The following BRINP3 variants were observed in gnomAD, a reference collection of about 807,000 sequenced individuals.
The protein encoded by BRINP3 is BMP/retinoic acid inducible neural specific 3.
BRINP3 carries 19 observed loss-of-function variants against 71.0 expected under a neutral mutation model. That is an observed-to-expected ratio of 0.27 (90% CI 0.19 to 0.39). The LOEUF is 0.39. Ranked by LOEUF, BRINP3 falls within the 10% of genes least tolerant of loss-of-function variation. BRINP3 has a pLI of 1.00. For synonymous variants in BRINP3, 380 were observed against 337.7 expected (o/e 1.13, Z -1.37); for missense variants, 959 against 940.8 (o/e 1.02, Z -0.25).
chr1:190,433,845 TA>T (rs1338238895), intron 2 of BRINP3, among the ~76,000 whole-genome samples: 6 of 152,270 alleles, frequency 3.9e-5, no homozygotes, highest in Non-Finnish European at 5.9e-5. Flanking sequence ...TTGCCACTTA[TA>T]AAGGTGAGAA....
chr1:190,145,436 C>T (rs559289897), intron 7 of BRINP3, among the ~76,000 whole-genome samples: 1 of 152,236 alleles, frequency 6.6e-6, no homozygotes, highest in Non-Finnish European at 1.5e-5. Context: ...ATGCAGTGTT[C>T]TCTTTTGAAC....
At chr1:190,291,415 C>A (rs1363489517) in intron 2 of BRINP3, among the ~76,000 whole-genome samples, 1 of 151,432 alleles carries the variant, frequency 6.6e-6, no homozygotes, top group Non-Finnish European at 1.5e-5. Flanking sequence ...GGTTCATATC[C>A]AAAATATATA....
intron 7 of BRINP3, among the ~76,000 whole-genome samples, chr1:190,155,435 T>C (rs996842937): frequency 2.0e-5 from 3 of 152,120 alleles, no homozygotes; most frequent in African/African-American, 7.2e-5. Context: ...TTGTTAAATA[T>C]TGTTCATCAA....
chr1:190,160,700 A>C lies in BRINP3; in HGVS notation c.1152T>G (p.His384Gln), dbSNP rs1408267411. The change falls in exon 7 of 8, where the codon CAT (histidine) becomes CAG (glutamine). Residue 384 changes from histidine (H) to glutamine (Q), a missense_variant. Coordinates refer to ENST00000367462, the MANE Select transcript of BRINP3 (RefSeq NM_199051.3). ...TTGGCAGGCTGATGAGGGGTTGTTT[A>C]TGACACCTCTTGCTAAGGCTAAAAA... ...HKLFSLSKRCHKQPLISLPRQ... is the reference protein window; with the variant it reads ...HKLFSLSKRCQKQPLISLPRQ... The C allele has an allele frequency of 6.2e-7, 1 of 1,613,374 alleles. No homozygotes were observed. Among genetic ancestry groups the C allele is most frequent in the Non-Finnish European group, 8.5e-7 (1 of 1,179,610 alleles).
chr1:190,310,434 G>A (rs1226342698), intron 2 of BRINP3, among the ~76,000 whole-genome samples: 2 of 151,546 alleles, frequency 1.3e-5, no homozygotes, highest in Non-Finnish European at 3.0e-5. Flanking sequence ...GTATTTCTAA[G>A]GCTAATATGT....
intron 2 of BRINP3, among the ~76,000 whole-genome samples, chr1:190,293,686 A>G (rs1286691722): frequency 6.6e-6 from 1 of 152,118 alleles, no homozygotes; most frequent in Non-Finnish European, 1.5e-5. Context: ...TTTGCTTTAC[A>G]TATTTGGGTG....
chr1:190,281,837 A>C (rs1265272737), intron 2 of BRINP3, 87 bp from the exon 3 acceptor site: 31 of 1,230,952 alleles, frequency 2.5e-5, no homozygotes, highest in Non-Finnish European at 3.3e-5. Context: ...GGGTCAGTAC[A>C]TTACAATGTC....
At chr1:190,437,077 C>T (rs961201304) in intron 2 of BRINP3, among the ~76,000 whole-genome samples, 2 of 151,754 alleles carry the variant, frequency 1.3e-5, no homozygotes, top group African/African-American at 4.8e-5. Context: ...TTTAAACTGG[C>T]TACTTCTTTA....
intron 6 of BRINP3, among the ~76,000 whole-genome samples, chr1:190,208,676 G>A (rs569036632): frequency 6.6e-6 from 1 of 151,936 alleles, no homozygotes; most frequent in African/African-American, 2.4e-5. Context: ...TGTATTTTTA[G>A]TAGAGACGGG....
At chr1:190,465,522 A>G (rs1260244850) in intron 1 of BRINP3, among the ~76,000 whole-genome samples, 2 of 151,846 alleles carry the variant, frequency 1.3e-5, no homozygotes, top group Non-Finnish European at 2.9e-5. Context: ...TGGGTTCCTC[A>G]TTCTTCACTA....
chr1:190,333,870 G>A (rs909268572), intron 2 of BRINP3, among the ~76,000 whole-genome samples: 2 of 151,800 alleles, frequency 1.3e-5, no homozygotes, highest in Non-Finnish European at 2.9e-5. Flanking sequence ...TCTGTCTTTT[G>A]AGTAACACAT....
At chr1:190,439,394 A>C (rs1250360410) in intron 2 of BRINP3, among the ~76,000 whole-genome samples, 2 of 151,878 alleles carry the variant, frequency 1.3e-5, no homozygotes, top group Non-Finnish European at 2.9e-5. Flanking sequence ...TGAAGTGTTA[A>C]ATAACAAAAG....
chr1:190,410,992 C>T (rs1672626126), intron 2 of BRINP3, among the ~76,000 whole-genome samples: 1 of 151,082 alleles, frequency 6.6e-6, no homozygotes. Flanking sequence ...GGCAAAGGGT[C>T]AAAAAAAACC....
At chr1:190,373,980 A>G (rs1427935895) in intron 2 of BRINP3, among the ~76,000 whole-genome samples, 1 of 151,300 alleles carries the variant, frequency 6.6e-6, no homozygotes, top group Non-Finnish European at 1.5e-5. Context: ...TCTGGAGCCA[A>G]TTGCACAGGG....
intron 7 of BRINP3, among the ~76,000 whole-genome samples, chr1:190,099,673 A>G (rs1245800442): frequency 6.6e-6 from 1 of 152,214 alleles, no homozygotes; most frequent in Non-Finnish European, 1.5e-5. Context: ...TAAATTGTCA[A>G]TCAGTGTATT....
intron 6 of BRINP3, among the ~76,000 whole-genome samples, chr1:190,201,381 T>C (rs1268242361): frequency 1.3e-5 from 2 of 152,200 alleles, no homozygotes; most frequent in Admixed American, 1.3e-4. Flanking sequence ...GTTAAAGGCA[T>C]TCAATTTTAT....
chr1:190,332,448 C>G (rs901462720), intron 2 of BRINP3, among the ~76,000 whole-genome samples: 1 of 151,976 alleles, frequency 6.6e-6, no homozygotes, highest in Admixed American at 6.6e-5. Context: ...ACAACTTCCC[C>G]AAGTATTCTA....
rs71618056 is a variant in BRINP3 at position 190,253,367 on chromosome 1, T to C, written c.618+11498A>G. 2.6e-3 allele frequency among the ~76,000 whole-genome samples: 392 copies of C among 152,332 alleles called. 1 individual carries two copies. The highest frequency in any genetic ancestry group is 9.2e-3 in the African/African-American group (381 of 41,578). ...ATCACCACACTGTCTTTCACAATGG[T>C]TGAACTAGTTTACACTCCCATCAAC... On this transcript the variant is annotated intron_variant, in intron 4 of 7. Transcript: ENST00000367462.
At chr1:190,160,389 A>T (rs1657241987) in intron 7 of BRINP3, among the ~76,000 whole-genome samples, 1 of 152,078 alleles carries the variant, frequency 6.6e-6, no homozygotes, top group Non-Finnish European at 1.5e-5. Flanking sequence ...TAATGCAATT[A>T]TTAGTTGGCT....
Sources: gnomAD v4.1 joint callset for allele counts (sites outside exome capture counted in the v4.1 genomes callset) on GRCh38, gnomAD v4.1.1 for gene constraint, MANE v1.5 for transcripts, NCBI Gene and HGNC (gene_info 2026-07-23, HGNC 2026-07-21) for gene names.